CELF5: variants seen among roughly 807,000 people sequenced by gnomAD.
CELF5 encodes CUG-BP and ETR-3 like factor 5.
Under a neutral mutation model 54.9 loss-of-function variants are expected in CELF5, and 6 were observed. The ratio of observed to expected loss-of-function variants is 0.11; its 90% CI spans 0.06 to 0.22. The LOEUF (loss-of-function observed/expected upper bound fraction) is 0.22, where lower values mean the gene tolerates loss of function less well. Ranked by LOEUF, CELF5 falls within the 10% of genes least tolerant of loss-of-function variation. CELF5 has a pLI of 1.00. For missense variants in CELF5, 401 were observed against 678.6 expected, an observed-to-expected ratio of 0.59 and a Z score of 4.54; for synonymous variants, 271 against 290.9, an observed-to-expected ratio of 0.93 and a Z score of 0.70.
intron 1 of CELF5, among the ~76,000 whole-genome samples, chr19:3,248,853 TCTTCCTTCCTTCCTTC>T (rs56977899): frequency 0.025 from 2,999 of 118,880 alleles, 49 homozygotes; most frequent in East Asian, 0.057. Flanking sequence ...TTTCTTTCTT[TCTTCCTTCCTTCCTTC>T]CTTCCTTCCT....
At chr19:3,279,414 C>T (rs1177165088) in intron 5 of CELF5, among the ~76,000 whole-genome samples, 1 of 152,136 alleles carries the variant, frequency 6.6e-6, no homozygotes, top group East Asian at 1.9e-4. Flanking sequence ...AACAAGCCAC[C>T]TCTCTCAGCT....
chr19:3,281,392 A>G lies in CELF5; in HGVS notation c.750+47A>G. On this transcript the variant is annotated intron_variant, in intron 6 of 12. Coordinates refer to ENST00000292672, the MANE Select transcript of CELF5 (RefSeq NM_021938.4). The surrounding 1 kb of genome is among the most constrained non-coding windows in gnomAD (Gnocchi z 6.5). ...TCGGGGCTCCGGCTCCGTCTCTCTC[A>G]GTCTCTGTCTACTCTCTGTCGGGCT... 1 of 1,568,936 alleles carries G rather than the reference A, an allele frequency of 6.4e-7. No homozygotes were observed. The highest frequency in any genetic ancestry group is 8.7e-7 in the Non-Finnish European group (1 of 1,155,282).
rs943724901 is a variant in CELF5, at chr19:3,233,314, A to C, written c.259+8316A>C. 1.6e-4 allele frequency among the ~76,000 whole-genome samples: 24 copies of C among 152,166 alleles called. 1 individual carries two copies. Among genetic ancestry groups the C allele is most frequent in the Non-Finnish European group, 5.9e-5 (4 of 68,018 alleles). On this transcript the variant is annotated intron_variant, in intron 1 of 12. Coordinates refer to ENST00000292672, the MANE Select transcript of CELF5 (RefSeq NM_021938.4). Reference sequence around the variant, plus strand: ...AAATTCAAAAGGCAACAACTTTATTAAGTCTGTATTGTGTGCCAGCCATTG... The same window carrying C: ...AAATTCAAAAGGCAACAACTTTATTCAGTCTGTATTGTGTGCCAGCCATTG...
At chr19:3,267,519 T>A (rs1276666699) in intron 2 of CELF5, among the ~76,000 whole-genome samples, 1 of 151,748 alleles carries the variant, frequency 6.6e-6, no homozygotes, top group Non-Finnish European at 1.5e-5. Context: ...GAGCCTGGGG[T>A]TCCTGGAGAC....
chr19:3,282,472 A>C lies in CELF5; in HGVS notation c.1013A>C (p.Tyr338Ser), dbSNP rs150291570. Residue 338 changes from tyrosine (Y) to serine (S), a missense_variant, in exon 8 of 13, where the codon TAT becomes TCT. By Grantham distance (144) the Tyr-to-Ser change is moderately radical. Around this residue, in one of 6 missense-constraint regions of CELF5, gnomAD observed 143 missense variants for 147.6 expected, o/e 0.97. Transcript: ENST00000292672. This position sits in a 1 kb window ranked among gnomAD's most constrained non-coding sequence, Gnocchi z 5.2. ...GGGCACCCTGCCCTGGAAACCGTCT[A>C]TGCCAATGGCCTTGTGCCCTACCCA... ...PGGHPALETV[Y>S]ANGLVPYPAQ... 1.9e-6 allele frequency: 3 copies of C among 1,613,560 alleles called. No homozygotes were observed. Among genetic ancestry groups the C allele is most frequent in the Non-Finnish European group, 2.5e-6 (3 of 1,179,984 alleles).
At chr19:3,284,744 A>T in intron 8 of CELF5, 158 bp from the exon 9 acceptor site, 2 of 657,238 alleles carry the variant, frequency 3.0e-6, no homozygotes, top group Admixed American at 2.4e-5. Context: ...AAGTGGCTTC[A>T]CCTTCCTCGG....
At chr19:3,235,445 C>G (rs1157651226) in intron 1 of CELF5, among the ~76,000 whole-genome samples, 1 of 128,428 alleles carries the variant, frequency 7.8e-6, no homozygotes, top group African/African-American at 2.9e-5. Context: ...GTGTGTACTG[C>G]TGTGTCACCA....
At chr19:3,257,785 TTTTATTTATTTATTTA>T (rs1204284655) in intron 2 of CELF5, among the ~76,000 whole-genome samples, 133 of 80,602 alleles carry the variant, frequency 1.7e-3, no homozygotes, top group Non-Finnish European at 2.2e-3. Flanking sequence ...CTCCATTTTT[TTTTATTTATTTATTTA>T]TTTATTTATT....
intron 2 of CELF5, among the ~76,000 whole-genome samples, chr19:3,269,812 A>G (rs953290149): frequency 3.3e-5 from 5 of 151,058 alleles, no homozygotes; most frequent in African/African-American, 1.2e-4. Context: ...TCCACGCCGG[A>G]GTGCAGTGGA....
In CELF5 at chr19:3,282,052, G is replaced by T; in HGVS notation, c.751-74G>T. 1 of 1,561,324 alleles carries T rather than the reference G, an allele frequency of 6.4e-7. No individual in the cohort carries two copies. Among genetic ancestry groups the T allele is most frequent in the Non-Finnish European group, 8.8e-7 (1 of 1,137,466 alleles). On this transcript the variant is annotated intron_variant, in intron 6 of 12. Transcript: ENST00000292672. This position sits in a 1 kb window ranked among gnomAD's most constrained non-coding sequence, Gnocchi z 5.2. ...CCTGACCTCCTCACTAGTAACTGGG[G>T]TACCAAGCCTCCCCTCATAAGCCAT... is the stretch of plus-strand genomic sequence containing the variant.
At chr19:3,274,348 C>A (rs1170629794) in intron 3 of CELF5, among the ~76,000 whole-genome samples, 1 of 152,194 alleles carries the variant, frequency 6.6e-6, no homozygotes, top group East Asian at 1.9e-4. Flanking sequence ...GTGTATATGA[C>A]TGTGCACACC....
chr19:3,239,723 A>AT (rs1179974695), intron 1 of CELF5, among the ~76,000 whole-genome samples: 1 of 149,924 alleles, frequency 6.7e-6, no homozygotes, highest in Non-Finnish European at 1.5e-5. Flanking sequence ...CCTACCTTAG[A>AT]TTTTCCTGTC....
Position 3,275,095 on chromosome 19 carries a change from G to A in CELF5, c.395-761G>A, listed in dbSNP as rs1050514133. Among the ~76,000 whole-genome samples, 1 of 151,994 alleles carries A rather than the reference G, an allele frequency of 6.6e-6. No homozygotes were observed. The highest frequency in any genetic ancestry group is 1.5e-5 in the Non-Finnish European group (1 of 67,994). On this transcript the variant is annotated intron_variant, in intron 3 of 12. Transcript: ENST00000292672. The surrounding 1 kb of genome is among the most constrained non-coding windows in gnomAD (Gnocchi z 6.7). ...CCTCCCACCCCCATGAGTGACAGCT[G>A]CCGAGAGCGGTTTCCATAGTAACCC...
intron 2 of CELF5, among the ~76,000 whole-genome samples, chr19:3,255,445 A>T (rs1232663197): frequency 6.6e-6 from 1 of 151,982 alleles, no homozygotes; most frequent in Admixed American, 6.6e-5. Flanking sequence ...CGGCCTCCCA[A>T]AGTGCTAGGA....
chr19:3,273,726 T>C, intron 2 of CELF5, 146 bp from the exon 3 acceptor site: 2 of 648,104 alleles, frequency 3.1e-6, no homozygotes, highest in Non-Finnish European at 5.6e-6. Flanking sequence ...TGTAATTTCT[T>C]TGACTGGGGT....
intron 2 of CELF5, among the ~76,000 whole-genome samples, chr19:3,272,229 C>T (rs867656113): frequency 3.9e-5 from 6 of 151,960 alleles, no homozygotes; most frequent in South Asian, 2.1e-4. Context: ...ATTAGCTGGG[C>T]GTATTGGTGC....
chr19:3,288,409 C>G (rs1363862379), intron 10 of CELF5, among the ~76,000 whole-genome samples: 1 of 152,078 alleles, frequency 6.6e-6, no homozygotes, highest in East Asian at 1.9e-4. Context: ...GTAATCCCAG[C>G]TACTCAGGAG....
At position 3,292,555 on chromosome 19, in the gene CELF5, A is replaced by G. The variant is rs577598437; in HGVS notation, c.1331-764A>G. On this transcript the variant is annotated intron_variant, in intron 11 of 12. Coordinates refer to ENST00000292672, the MANE Select transcript of CELF5 (RefSeq NM_021938.4). ...CGTCTTGGCCTCCCAAGGTGCTGGG[A>G]TTACAGGCGTGAGCCACCACGCCTG... 4.0e-3 allele frequency among the ~76,000 whole-genome samples: 603 copies of G among 152,262 alleles called. 1 individual carries two copies. The highest frequency in any genetic ancestry group is 7.3e-3 in the Non-Finnish European group (497 of 68,022).
At chr19:3,253,428 T>C (rs1168083789) in intron 2 of CELF5, among the ~76,000 whole-genome samples, 1 of 152,158 alleles carries the variant, frequency 6.6e-6, no homozygotes, top group Non-Finnish European at 1.5e-5. Flanking sequence ...CTAGTGACTG[T>C]TCAGGAGGCC....
Sources: gnomAD v4.1 joint callset for allele counts (sites outside exome capture counted in the v4.1 genomes callset) on GRCh38, gnomAD v4.1.1 for gene constraint, gnomAD v4.1.1 regional missense constraint, Gnocchi (gnomAD v3.1) non-coding constraint, MANE v1.5 for transcripts, NCBI Gene and HGNC (gene_info 2026-07-23, HGNC 2026-07-21) for gene names.